ULK4: variants seen among roughly 807,000 people sequenced by gnomAD.
ULK4 encodes the protein unc-51 like kinase 4.
Under a neutral mutation model 160.6 loss-of-function variants are expected in ULK4, and 133 were observed. The observed-to-expected ratio is 0.83, with a 90% confidence interval of 0.72 to 0.96. The LOEUF (loss-of-function observed/expected upper bound fraction) is 0.96. Among genes scored for constraint, ULK4 ranks in the 40% least tolerant of loss-of-function variants. The pLI is 0.00. For missense variants in ULK4, 1,580 were observed against 1,499.5 expected (o/e 1.05, Z -0.89); for synonymous variants, 534 against 539.8 (o/e 0.99, Z 0.15).
intron 31 of ULK4, among the ~76,000 whole-genome samples, chr3:41,600,091 G>C (rs796345916): frequency 6.6e-6 from 1 of 152,034 alleles, no homozygotes; most frequent in Non-Finnish European, 1.5e-5. Flanking sequence ...AGCTTTCCAA[G>C]GCTCATCAGA....
chr3:41,379,662 C>T (rs973670042), intron 35 of ULK4, among the ~76,000 whole-genome samples: 1 of 152,174 alleles, frequency 6.6e-6, no homozygotes, highest in South Asian at 2.1e-4. Context: ...ATGTTCTAAG[C>T]AGAAAGACTG....
At chr3:41,958,334 G>T (rs1291565996) in intron 1 of ULK4, among the ~76,000 whole-genome samples, 2 of 152,046 alleles carry the variant, frequency 1.3e-5, no homozygotes, top group Admixed American at 6.6e-5. Context: ...CCCTTAAAAA[G>T]GGTTAAGATG....
At chr3:41,354,457 C>G (rs2080988941) in intron 35 of ULK4, among the ~76,000 whole-genome samples, 2 of 152,184 alleles carry the variant, frequency 1.3e-5, no homozygotes, top group African/African-American at 4.8e-5. Flanking sequence ...TCAGTGGAAT[C>G]TGGTTTTCAA....
intron 32 of ULK4, among the ~76,000 whole-genome samples, chr3:41,537,700 GA>G (rs1450667663): frequency 2.6e-5 from 4 of 152,168 alleles, no homozygotes; most frequent in African/African-American, 4.8e-5. Context: ...GATCAATCCA[GA>G]AAAAGTGTTC....
intron 31 of ULK4, among the ~76,000 whole-genome samples, chr3:41,599,565 C>CTTTTTTTT (rs200055034): frequency 8.4e-5 from 11 of 130,760 alleles, no homozygotes; most frequent in African/African-American, 2.9e-4. Flanking sequence ...TTTTCTTTTT[C>CTTTTTTTT]TTTTTTTTTT....
chr3:41,921,362 A>T (rs1699174153), intron 5 of ULK4, among the ~76,000 whole-genome samples: 3 of 152,122 alleles, frequency 2.0e-5, no homozygotes, highest in African/African-American at 2.4e-5. Context: ...CTGTAATCCC[A>T]GCATTTTGGG....
chr3:41,461,094 G>C (rs1377882109), intron 33 of ULK4, among the ~76,000 whole-genome samples: 1 of 152,154 alleles, frequency 6.6e-6, no homozygotes, highest in Admixed American at 6.5e-5. Flanking sequence ...GGGGAAGGTA[G>C]TGGGTAGGGA....
chr3:41,306,189 GTCAGCCCCCCACCCCGCCC>G, intron 35 of ULK4, among the ~76,000 whole-genome samples: 1 of 68,852 alleles, frequency 1.5e-5, no homozygotes, highest in Non-Finnish European at 2.6e-5. Flanking sequence ...AGGTGGGGGG[GTCAGCCCCCCACCCCGCCC>G]GGGAGGGAGG....
intron 22 of ULK4, among the ~76,000 whole-genome samples, chr3:41,726,144 C>A (rs1351156496): frequency 1.3e-5 from 2 of 152,172 alleles, no homozygotes; most frequent in Admixed American, 6.5e-5. Flanking sequence ...TGTTGCTTAA[C>A]TACCATGGTT....
At chr3:41,622,966 T>C (rs71331195) in intron 30 of ULK4, among the ~76,000 whole-genome samples, 1 of 152,170 alleles carries the variant, frequency 6.6e-6, no homozygotes, top group African/African-American at 2.4e-5. Flanking sequence ...ATGGGTGTGT[T>C]CCAATAAAAC....
chr3:41,330,952 C>A (rs1191354574), intron 35 of ULK4, among the ~76,000 whole-genome samples: 2 of 152,172 alleles, frequency 1.3e-5, no homozygotes, highest in Non-Finnish European at 2.9e-5. Context: ...TAGCATTTGG[C>A]ATTGCAGTTT....
chr3:41,345,597 G>A (rs2080781379), intron 35 of ULK4, among the ~76,000 whole-genome samples: 1 of 152,136 alleles, frequency 6.6e-6, no homozygotes, highest in South Asian at 2.1e-4. Flanking sequence ...ACACATAGTG[G>A]GGAACCACAC....
chr3:41,754,295 C>A, intron 22 of ULK4, 66 bp downstream of exon 22: 1 of 1,529,940 alleles, frequency 6.5e-7, no homozygotes, highest in Non-Finnish European at 8.8e-7. Flanking sequence ...AAGAAATACC[C>A]TACAACTACT....
intron 35 of ULK4, among the ~76,000 whole-genome samples, chr3:41,285,629 C>G (rs1030606910): frequency 6.6e-5 from 10 of 152,084 alleles, no homozygotes; most frequent in Non-Finnish European, 1.3e-4. Flanking sequence ...AGACTACAAA[C>G]AGGGTGCAGA....
intron 35 of ULK4, among the ~76,000 whole-genome samples, chr3:41,339,500 T>C (rs115675910): frequency 0.014 from 2,086 of 152,230 alleles, 38 homozygotes; most frequent in African/African-American, 0.047. Context: ...CTCCGTTTCC[T>C]CCCCTCTCCT....
At chr3:41,424,082 T>C (rs1654834597) in intron 34 of ULK4, among the ~76,000 whole-genome samples, 1 of 152,014 alleles carries the variant, frequency 6.6e-6, no homozygotes, top group South Asian at 2.1e-4. Flanking sequence ...GCAGCTCCAG[T>C]CTGCCATCTT....
chr3:41,382,593 A>G (rs1052304140), intron 35 of ULK4, among the ~76,000 whole-genome samples: 35 of 152,190 alleles, frequency 2.3e-4, no homozygotes, highest in African/African-American at 8.2e-4. Context: ...CCTGTGTTAT[A>G]AAATAATATA....
At chr3:41,255,129 TACAC>T (rs369404667) in intron 35 of ULK4, among the ~76,000 whole-genome samples, 5,867 of 144,206 alleles carry the variant, frequency 0.041, 178 homozygotes, top group Non-Finnish European at 0.059. Flanking sequence ...AAATTATGGC[TACAC>T]ACACACACAC....
At chr3:41,499,128 A>G (rs1426464533) in intron 32 of ULK4, among the ~76,000 whole-genome samples, 1 of 152,236 alleles carries the variant, frequency 6.6e-6, no homozygotes, top group Non-Finnish European at 1.5e-5. Flanking sequence ...AGACAAATCT[A>G]TACAGAAGAA....
Sources: allele counts gnomAD v4.1 joint callset (sites outside exome capture counted in the v4.1 genomes callset), GRCh38; gene constraint gnomAD v4.1.1; transcripts MANE v1.5; gene names NCBI Gene and HGNC (gene_info 2026-07-23, HGNC 2026-07-21).